The following PBX3 variants were observed in gnomAD, a reference collection of about 807,000 sequenced individuals.
PBX3 encodes the protein PBX homeobox 3.
Under a neutral mutation model 48.5 loss-of-function variants are expected in PBX3, and 14 were observed. That is an observed-to-expected ratio of 0.29 (90% confidence interval 0.19 to 0.45). PBX3 has a LOEUF of 0.45. Among genes scored for constraint, PBX3 ranks in the 20% least tolerant of loss-of-function variants. The probability of loss-of-function intolerance (pLI) is 1.00; values close to 1 mark genes in which losing one functional copy is unlikely to be tolerated. For synonymous variants in PBX3, 210 were observed against 200.3 expected, an observed-to-expected ratio of 1.05 and a Z score of -0.41; for missense variants, 386 against 546.7, an observed-to-expected ratio of 0.71 and a Z score of 2.93.
At chr9:125,931,966 T>C (rs1841727041) in intron 4 of PBX3, among the ~76,000 whole-genome samples, 1 of 152,240 alleles carries the variant, frequency 6.6e-6, no homozygotes, top group African/African-American at 2.4e-5. Flanking sequence ...AATTATTAGA[T>C]CTGAGTTTGA....
intron 2 of PBX3, among the ~76,000 whole-genome samples, chr9:125,894,338 T>C: frequency 6.6e-6 from 1 of 152,316 alleles, no homozygotes; most frequent in Non-Finnish European, 1.5e-5. Flanking sequence ...TATAAATATA[T>C]ACTTAGAGAA....
At chr9:125,876,320 C>T (rs1326518713) in intron 2 of PBX3, among the ~76,000 whole-genome samples, 1 of 152,146 alleles carries the variant, frequency 6.6e-6, no homozygotes, top group Non-Finnish European at 1.5e-5. Context: ...TAATTGGCCC[C>T]TGAACAACAC....
chr9:125,945,581 A>T (rs1434763095), intron 5 of PBX3, among the ~76,000 whole-genome samples: 2 of 152,162 alleles, frequency 1.3e-5, no homozygotes, highest in Admixed American at 6.5e-5. Flanking sequence ...ATAGATGGTA[A>T]ACTCGATTTT....
At chr9:125,870,257 TG>T (rs1840088187) in intron 2 of PBX3, among the ~76,000 whole-genome samples, 2 of 152,008 alleles carry the variant, frequency 1.3e-5, no homozygotes, top group South Asian at 4.1e-4. Flanking sequence ...TTAGTAGAGA[TG>T]GGGTTTCACC....
At chr9:125,843,595 A>G in intron 2 of PBX3, 1 of 227,590 alleles carries the variant, frequency 4.4e-6, no homozygotes, top group Non-Finnish European at 9.2e-6. Context: ...CTTGGAAAAC[A>G]AAAGGTTTTA....
intron 2 of PBX3, among the ~76,000 whole-genome samples, chr9:125,811,835 C>G (rs981998384): frequency 6.6e-6 from 1 of 152,054 alleles, no homozygotes; most frequent in South Asian, 2.1e-4. Context: ...GGGGCTCTGT[C>G]CTCATGACCT....
At chr9:125,758,405 T>C (rs573037568) in intron 2 of PBX3, among the ~76,000 whole-genome samples, 80 of 152,178 alleles carry the variant, frequency 5.3e-4, no homozygotes, top group Non-Finnish European at 1.0e-3. Context: ...CATCTAATAG[T>C]GTTTTCTAAA....
At chr9:125,836,593 C>A (rs1362408243) in intron 2 of PBX3, among the ~76,000 whole-genome samples, 1 of 152,020 alleles carries the variant, frequency 6.6e-6, no homozygotes. Flanking sequence ...TGTTTGGTAG[C>A]TCAGTAGGGT....
chr9:125,752,676 C>T (rs184030157), intron 2 of PBX3, among the ~76,000 whole-genome samples: 3 of 152,208 alleles, frequency 2.0e-5, no homozygotes, highest in African/African-American at 7.2e-5. Flanking sequence ...AAATCTGTTA[C>T]ATTTTTCTTT....
At chr9:125,895,158 G>A (rs937348076) in intron 2 of PBX3, among the ~76,000 whole-genome samples, 2 of 151,950 alleles carry the variant, frequency 1.3e-5, no homozygotes, top group Non-Finnish European at 2.9e-5. Context: ...CCTAGATTTG[G>A]CACAGCATTG....
chr9:125,929,196 C>G (rs1361616562), intron 3 of PBX3, among the ~76,000 whole-genome samples: 1 of 152,034 alleles, frequency 6.6e-6, no homozygotes, highest in South Asian at 2.1e-4. Flanking sequence ...TTTTTCTCAC[C>G]AAAGGCCAGG....
chr9:125,928,575 C>T (rs1300664744), intron 3 of PBX3, among the ~76,000 whole-genome samples: 3 of 151,834 alleles, frequency 2.0e-5, no homozygotes, highest in Non-Finnish European at 2.9e-5. Flanking sequence ...ACGCCATTCT[C>T]CTGCCTCAGC....
chr9:125,850,118 ATAAT>A (rs1839538769), intron 2 of PBX3, among the ~76,000 whole-genome samples: 1 of 152,074 alleles, frequency 6.6e-6, no homozygotes, highest in Non-Finnish European at 1.5e-5. Context: ...ATTTCTTTTG[ATAAT>A]TAATGCTACA....
chr9:125,763,439 G>A (rs1401623047), intron 2 of PBX3, among the ~76,000 whole-genome samples: 1 of 152,234 alleles, frequency 6.6e-6, no homozygotes, highest in Non-Finnish European at 1.5e-5. Context: ...TCTATAGTGT[G>A]AAGCCAGAGA....
At chr9:125,887,403 AT>A (rs1438014012) in intron 2 of PBX3, among the ~76,000 whole-genome samples, 4 of 152,342 alleles carry the variant, frequency 2.6e-5, no homozygotes, top group African/African-American at 9.6e-5. Flanking sequence ...TATGCTAATC[AT>A]TTGTTAGAAT....
At chr9:125,905,327 A>G (rs1022512876) in intron 2 of PBX3, among the ~76,000 whole-genome samples, 3 of 152,018 alleles carry the variant, frequency 2.0e-5, no homozygotes, top group Non-Finnish European at 2.9e-5. Flanking sequence ...CTGGAAAACT[A>G]TTCTTTTAAT....
intron 2 of PBX3, among the ~76,000 whole-genome samples, chr9:125,868,194 A>G (rs1840035953): frequency 6.6e-6 from 1 of 151,244 alleles, no homozygotes; most frequent in Admixed American, 6.6e-5. Flanking sequence ...TTTTTTTTAC[A>G]TGCTTCCTGT....
At chr9:125,774,809 C>T (rs1837028185) in intron 2 of PBX3, among the ~76,000 whole-genome samples, 1 of 151,744 alleles carries the variant, frequency 6.6e-6, no homozygotes, top group African/African-American at 2.4e-5. Flanking sequence ...TAAGCAAATG[C>T]CAAACAATTT....
intron 2 of PBX3, among the ~76,000 whole-genome samples, chr9:125,776,325 GT>G (rs558451556): frequency 1.3e-5 from 2 of 149,078 alleles, no homozygotes; most frequent in African/African-American, 2.5e-5. Flanking sequence ...TTGTCAAATA[GT>G]TTTTTTTTTC....
Sources: allele counts gnomAD v4.1 joint callset (sites outside exome capture counted in the v4.1 genomes callset), GRCh38; gene constraint gnomAD v4.1.1; transcripts MANE v1.5; gene names NCBI Gene and HGNC (gene_info 2026-07-23, HGNC 2026-07-21).